SLC24A2: variants seen among roughly 807,000 people sequenced by gnomAD.
The protein encoded by SLC24A2 is sodium/potassium/calcium exchanger 2.
SLC24A2 carries 36 observed loss-of-function variants against 62.0 expected under a neutral mutation model. The ratio of observed to expected loss-of-function variants is 0.58; its 90% CI spans 0.44 to 0.77. The LOEUF (loss-of-function observed/expected upper bound fraction) is 0.77, where lower values mean the gene tolerates loss of function less well. Ranked by LOEUF, SLC24A2 falls within the 30% of genes least tolerant of loss-of-function variation. SLC24A2 has a pLI of 0.00. For missense variants in SLC24A2, 846 were observed against 817.9 expected (o/e 1.03, Z -0.42); for synonymous variants, 358 against 294.0 (o/e 1.22, Z -2.23).
chr9:20,032,234 C>A, the SLC24A2 span, among the ~76,000 whole-genome samples: 1 of 152,188 alleles, frequency 6.6e-6, no homozygotes, highest in Non-Finnish European at 1.5e-5. Flanking sequence ...ATACTTCAAT[C>A]TAAATTCCTT....
In SLC24A2 at chr9:19,746,289, T is replaced by C. The variant is rs77373879; in HGVS notation, c.930+39648A>G. ...TTATTTATCTTTTGTTCATCAGAGC[T>C]CTACGTAACTCCAAAAGCAGATGCA... On this transcript the variant is annotated intron_variant, in intron 2 of 10. Transcript: ENST00000341998. Among the ~76,000 whole-genome samples the C allele has an allele frequency of 9.5e-4, 145 of 152,254 alleles. 1 individual carries two copies. The highest frequency in any genetic ancestry group is 1.8e-3 in the Non-Finnish European group (123 of 68,010).
chr9:19,833,714 C>T, the SLC24A2 span, among the ~76,000 whole-genome samples: 1 of 152,238 alleles, frequency 6.6e-6, no homozygotes, highest in Admixed American at 6.5e-5. Flanking sequence ...TGTGTGACAG[C>T]TTTGAAGAGA....
intron 8 of SLC24A2, among the ~76,000 whole-genome samples, chr9:19,531,907 C>T (rs1206482398): frequency 6.6e-6 from 1 of 152,048 alleles, no homozygotes; most frequent in Non-Finnish European, 1.5e-5. Flanking sequence ...TAGCAAAGTA[C>T]CTCGCACATA....
chr9:19,559,095 A>T (rs568011844), intron 7 of SLC24A2, among the ~76,000 whole-genome samples: 2 of 152,252 alleles, frequency 1.3e-5, no homozygotes, highest in South Asian at 4.1e-4. Flanking sequence ...GGCACTTACA[A>T]GAGTATTTGG....
At chr9:19,615,010 T>TGGG (rs79642421) in intron 4 of SLC24A2, among the ~76,000 whole-genome samples, 1 of 152,086 alleles carries the variant, frequency 6.6e-6, no homozygotes, top group African/African-American at 2.4e-5. Context: ...CACTAAGTCT[T>TGGG]GGGGTGCTTT....
the SLC24A2 span, among the ~76,000 whole-genome samples, chr9:20,125,532 T>A: frequency 6.6e-6 from 1 of 152,186 alleles, no homozygotes; most frequent in African/African-American, 2.4e-5. Flanking sequence ...AATTTTATAG[T>A]ACAGGGTCAG....
the SLC24A2 span, among the ~76,000 whole-genome samples, chr9:20,081,399 G>A: frequency 3.4e-5 from 5 of 145,920 alleles, no homozygotes; most frequent in Non-Finnish European, 7.4e-5. Flanking sequence ...AACACCGCAT[G>A]TTCTCACTCA....
At chr9:19,829,556 T>C in the SLC24A2 span, among the ~76,000 whole-genome samples, 2 of 151,812 alleles carry the variant, frequency 1.3e-5, no homozygotes, top group Non-Finnish European at 2.9e-5. Context: ...GAAATTTCTT[T>C]CTTTTTTCCC....
intron 6 of SLC24A2, among the ~76,000 whole-genome samples, chr9:19,574,191 G>A (rs1004984220): frequency 1.3e-5 from 2 of 152,170 alleles, no homozygotes; most frequent in African/African-American, 2.4e-5. Flanking sequence ...AGGGCAGCCT[G>A]GTGAATACAA....
the SLC24A2 span, among the ~76,000 whole-genome samples, chr9:20,214,842 C>T: frequency 6.6e-6 from 1 of 152,036 alleles, no homozygotes; most frequent in African/African-American, 2.4e-5. Context: ...ACTCAATAAA[C>T]AACTGATTGA....
the SLC24A2 span, among the ~76,000 whole-genome samples, chr9:20,054,160 T>C: frequency 6.6e-6 from 1 of 152,076 alleles, no homozygotes; most frequent in Non-Finnish European, 1.5e-5. Context: ...AGTTTTCTTT[T>C]CTTTTTTCTT....
the SLC24A2 span, among the ~76,000 whole-genome samples, chr9:20,059,828 C>A: frequency 6.6e-6 from 1 of 151,630 alleles, no homozygotes. Flanking sequence ...GAAATGGAGA[C>A]GAGAAAAACA....
At chr9:19,698,919 G>A (rs1294035480) in intron 2 of SLC24A2, among the ~76,000 whole-genome samples, 1 of 152,198 alleles carries the variant, frequency 6.6e-6, no homozygotes, top group African/African-American at 2.4e-5. Context: ...GGCACAGAGA[G>A]GTGAGAGAAC....
chr9:20,229,611 G>C, the SLC24A2 span, among the ~76,000 whole-genome samples: 1 of 151,904 alleles, frequency 6.6e-6, no homozygotes. Flanking sequence ...CTTTTCCTTT[G>C]AGCTTCCCAG....
chr9:19,902,646 CATT>C, the SLC24A2 span, among the ~76,000 whole-genome samples: 23 of 152,186 alleles, frequency 1.5e-4, no homozygotes, highest in African/African-American at 5.3e-4. Flanking sequence ...GATATTGAGT[CATT>C]TGCCTAAGTC....
chr9:20,260,310 A>G, the SLC24A2 span, among the ~76,000 whole-genome samples: 1 of 152,236 alleles, frequency 6.6e-6, no homozygotes, highest in Admixed American at 6.5e-5. Context: ...ACTTGGAGCC[A>G]ATAAATTTCT....
At chr9:20,231,114 C>A in the SLC24A2 span, among the ~76,000 whole-genome samples, 2 of 152,100 alleles carry the variant, frequency 1.3e-5, no homozygotes, top group Admixed American at 6.5e-5. Flanking sequence ...GGTACCAGTA[C>A]CATGTTGTTT....
the SLC24A2 span, among the ~76,000 whole-genome samples, chr9:20,258,855 A>ATCC: frequency 9.8e-5 from 14 of 142,300 alleles, no homozygotes; most frequent in African/African-American, 1.6e-4. Flanking sequence ...CTATCTATCT[A>ATCC]ATGTCTATCT....
At chr9:20,233,942 C>A in the SLC24A2 span, among the ~76,000 whole-genome samples, 5 of 152,158 alleles carry the variant, frequency 3.3e-5, no homozygotes, top group African/African-American at 1.2e-4. Flanking sequence ...AATCTCTCAG[C>A]TTTTGCTTGT....
Sources: allele counts gnomAD v4.1 joint callset (sites outside exome capture counted in the v4.1 genomes callset), GRCh38; gene constraint gnomAD v4.1.1; transcripts MANE v1.5; gene names NCBI Gene and HGNC (gene_info 2026-07-23, HGNC 2026-07-21).